Variants in FAXDC2 observed in about 807,000 individuals in gnomAD.
The protein encoded by FAXDC2 is fatty acid hydroxylase domain containing 2, also known as fatty acid hydroxylase domain-containing protein 2.
Under a neutral mutation model 40.9 loss-of-function variants are expected in FAXDC2, and 41 were observed. The observed-to-expected ratio is 1.00, with a 90% CI of 0.78 to 1.30. The LOEUF is 1.30. Among genes scored for constraint, FAXDC2 ranks in the 50% most tolerant of loss-of-function variants. The pLI is 0.00. For missense variants in FAXDC2, 390 were observed against 408.8 expected (o/e 0.95, Z 0.40); for synonymous variants, 157 against 149.3 (o/e 1.05, Z -0.38).
chr5:154,843,480 A>G (rs962154112), intron 1 of FAXDC2, among the ~76,000 whole-genome samples: 5 of 152,236 alleles, frequency 3.3e-5, no homozygotes, highest in Admixed American at 6.5e-5. Flanking sequence ...AATTTATATC[A>G]AAGTACTGGG....
chr5:154,829,987 G>T (rs114496410), intron 5 of FAXDC2, among the ~76,000 whole-genome samples: 259 of 152,280 alleles, frequency 1.7e-3, no homozygotes, highest in African/African-American at 5.7e-3. Context: ...CAAAGGAGTG[G>T]GTCAAGAGCA....
Position 154,830,876 on chromosome 5 carries a change from A to G in FAXDC2, c.291T>C (p.Leu97=), listed in dbSNP as rs776293875. 2.5e-6 allele frequency: 4 copies of G among 1,614,036 alleles called. No homozygotes were observed. The East Asian group carries it at 8.9e-5, about 36-fold the overall frequency. ...PCLFFWSFNG[L]LLVVDTTGKP... ...TTCCTGTTGTGTCAACCACCAATAG[A>G]AGCCCATTGAAGCTCCAGAAGAAGA... The change falls in exon 5 of 9, where the codon CTT becomes CTC. Residue 97 remains leucine (L), a synonymous_variant. Transcript: ENST00000326080.
chr5:154,841,739 C>CTT lies in FAXDC2; in HGVS notation c.1-3563_1-3562dup, dbSNP rs796908969. Among the ~76,000 whole-genome samples, 122 of 139,330 alleles carry CTT rather than the reference C, an allele frequency of 8.8e-4. 1 individual carries two copies. The East Asian group carries it at 0.016, about 18-fold the overall frequency. 91.4% of individuals were successfully genotyped at this position (139,330 alleles called of 152,430 possible). A position where few individuals can be genotyped will look rare whatever the true frequency, so the allele number is the denominator to read the frequency against. On this transcript the variant is annotated intron_variant, in intron 1 of 8. Transcript: ENST00000326080. ...TTCTGGGATGAGGCAAAGTCATATTCTTTTTTTTTTTTTTTTGAGGCAGTC... is the reference window on the plus strand; with the variant it reads ...TTCTGGGATGAGGCAAAGTCATATTCTTTTTTTTTTTTTTTTTTGAGGCAGTC...
At chr5:154,842,586 A>G (rs1370671289) in intron 1 of FAXDC2, among the ~76,000 whole-genome samples, 7 of 124,054 alleles carry the variant, frequency 5.6e-5, no homozygotes, top group Admixed American at 4.0e-4. Flanking sequence ...GCAATGGTGC[A>G]ATCTCGGCTC....
At chr5:154,831,861 T>C (rs1760201491) in intron 4 of FAXDC2, among the ~76,000 whole-genome samples, 1 of 151,902 alleles carries the variant, frequency 6.6e-6, no homozygotes, top group Admixed American at 6.6e-5. Flanking sequence ...TATGCATAAA[T>C]GTCCGTCACA....
intron 2 of FAXDC2, chr5:154,835,314 C>A: frequency 5.5e-6 from 1 of 181,582 alleles, no homozygotes; most frequent in Non-Finnish European, 1.1e-5. Flanking sequence ...CACCTGGGAG[C>A]TTAAAAAAAG....
At position 154,823,593 on chromosome 5, in the gene FAXDC2, C is replaced by G. The variant is rs1348159060; in HGVS notation, c.367-1G>C. 1 of 1,613,616 alleles carries G rather than the reference C, an allele frequency of 6.2e-7. No homozygotes were observed. Among genetic ancestry groups the G allele is most frequent in the East Asian group, 2.2e-5 (1 of 44,874 alleles). ...ACTGGCGCAGTTTCACAGGATCCACCTGCCCAAGGGAAGGGAGGAGGGAGA... is the reference window on the plus strand; with the variant it reads ...ACTGGCGCAGTTTCACAGGATCCACGTGCCCAAGGGAAGGGAGGAGGGAGA... On this transcript the variant is annotated splice_acceptor_variant, in intron 5 of 8. Coordinates refer to ENST00000326080, the MANE Select transcript of FAXDC2 (RefSeq NM_032385.5). LOFTEE classifies it high-confidence loss of function.
chr5:154,826,484 G>A (rs1178271333), intron 5 of FAXDC2, among the ~76,000 whole-genome samples: 1 of 149,622 alleles, frequency 6.7e-6, no homozygotes, highest in Non-Finnish European at 1.5e-5. Flanking sequence ...AGCCAAGATT[G>A]CGCCATTGTA....
intron 3 of FAXDC2, 40 bp from the exon 4 acceptor site, chr5:154,834,768 G>T: frequency 1.9e-6 from 3 of 1,597,964 alleles, no homozygotes; most frequent in Non-Finnish European, 2.6e-6. Flanking sequence ...AGACTAGTGG[G>T]TGGACAGCTC....
chr5:154,835,883 CTTTTTTTTTT>C (rs869068025), intron 2 of FAXDC2, among the ~76,000 whole-genome samples: 688 of 47,880 alleles, frequency 0.014, 8 homozygotes, highest in African/African-American at 0.04. Context: ...GCCCGGCCGA[CTTTTTTTTTT>C]TTTTTTTTTT....
At position 154,835,747 on chromosome 5, in the gene FAXDC2, A is replaced by T. The variant is rs932477577; in HGVS notation, c.49-813T>A. Among the ~76,000 whole-genome samples, 11 of 151,010 alleles carry T rather than the reference A, an allele frequency of 7.3e-5. No individual in the cohort carries two copies. In the East Asian group the frequency reaches 2.0e-3, roughly 27 times the overall value. ...AGGAGCCCGCCACCACACCCGGCTA[A>T]TTTTTTTGTATTTTTAATAGAGACG... On this transcript the variant is annotated intron_variant, in intron 2 of 8. Coordinates refer to ENST00000326080, the MANE Select transcript of FAXDC2 (RefSeq NM_032385.5).
At chr5:154,829,293 A>G (rs569794192) in intron 5 of FAXDC2, among the ~76,000 whole-genome samples, 6 of 152,214 alleles carry the variant, frequency 3.9e-5, no homozygotes, top group Non-Finnish European at 7.3e-5. Flanking sequence ...GAGTAAACAG[A>G]GCAGGAATGG....
intron 5 of FAXDC2, among the ~76,000 whole-genome samples, chr5:154,827,961 C>T (rs745701693): frequency 9.4e-5 from 14 of 149,518 alleles, no homozygotes; most frequent in Non-Finnish European, 2.1e-4. Context: ...GCAATCCTCC[C>T]GTCTCAGCTT....
intron 8 of FAXDC2, 141 bp from the exon 9 acceptor site, chr5:154,820,613 A>G: frequency 1.6e-6 from 1 of 643,612 alleles, no homozygotes; most frequent in Admixed American, 3.5e-5. Context: ...GCATCAGAAT[A>G]AGCTGGGGAG....
intron 1 of FAXDC2, among the ~76,000 whole-genome samples, chr5:154,845,610 G>A (rs1393022507): frequency 2.0e-5 from 3 of 151,838 alleles, no homozygotes; most frequent in Admixed American, 1.3e-4. Flanking sequence ...AGGTGTGGTG[G>A]CTCATGCTGC....
At chr5:154,825,493 C>A (rs948275285) in intron 5 of FAXDC2, among the ~76,000 whole-genome samples, 2 of 150,706 alleles carry the variant, frequency 1.3e-5, no homozygotes, top group African/African-American at 4.9e-5. Context: ...CCTGTCTCTA[C>A]TAAAAATACA....
intron 5 of FAXDC2, among the ~76,000 whole-genome samples, chr5:154,826,716 A>G (rs185955900): frequency 2.0e-5 from 3 of 152,200 alleles, no homozygotes; most frequent in Admixed American, 2.0e-4. Context: ...GCCTTTTTCT[A>G]GGTGTGACAC....
chr5:154,830,412 T>A (rs1222743979), intron 5 of FAXDC2: 2 of 177,206 alleles, frequency 1.1e-5, no homozygotes, highest in African/African-American at 4.7e-5. Context: ...TCCATTGTTT[T>A]CGCAGCTGTC....
chr5:154,837,700 G>A (rs1760385447), intron 2 of FAXDC2, among the ~76,000 whole-genome samples: 1 of 152,136 alleles, frequency 6.6e-6, no homozygotes, highest in Non-Finnish European at 1.5e-5. Context: ...ATATAAACAG[G>A]ACAAAGGTCC....
Sources: allele counts gnomAD v4.1 joint callset (sites outside exome capture counted in the v4.1 genomes callset), GRCh38; gene constraint gnomAD v4.1.1; transcripts MANE v1.5; gene names NCBI Gene and HGNC (gene_info 2026-07-23, HGNC 2026-07-21).